CNTN3: variants seen among roughly 807,000 people sequenced by gnomAD.
CNTN3 encodes the protein contactin-3.
In CNTN3, 60 loss-of-function variants were observed where a neutral mutation model predicts 119.1. That is an observed-to-expected ratio of 0.50 (90% CI 0.41 to 0.62). The LOEUF is 0.62. Among genes scored for constraint, CNTN3 ranks in the 20% least tolerant of loss-of-function variants. The pLI is 0.00. For missense variants in CNTN3, 1,101 were observed against 1,242.4 expected (o/e 0.89, Z 1.71); for synonymous variants, 450 against 438.7 (o/e 1.03, Z -0.32).
At chr3:74,454,492 G>A (rs1208055553) in intron 4 of CNTN3, among the ~76,000 whole-genome samples, 3 of 151,972 alleles carry the variant, frequency 2.0e-5, no homozygotes, top group Non-Finnish European at 4.4e-5. Flanking sequence ...CTTTTAATTG[G>A]AGAATTTAGT....
intron 4 of CNTN3, among the ~76,000 whole-genome samples, chr3:74,478,267 A>G (rs1702695693): frequency 6.6e-6 from 1 of 152,064 alleles, no homozygotes; most frequent in African/African-American, 2.4e-5. Context: ...CATCTGGAAG[A>G]GGAAATGCAA....
chr3:74,407,409 C>T lies in CNTN3; in HGVS notation c.454+17436G>A, dbSNP rs376582016. ...TCAGCCTCTGAAGTAGCTGGGATTA[C>T]AGGCATGTGCCACCACGCCTGGCTA... On this transcript the variant is annotated intron_variant, in intron 5 of 22. Coordinates refer to ENST00000263665, the MANE Select transcript of CNTN3 (RefSeq NM_020872.3). 1.5e-4 allele frequency among the ~76,000 whole-genome samples: 23 copies of T among 150,250 alleles called. No individual in the cohort carries two copies. The East Asian group carries it at 4.2e-3, about 27-fold the overall frequency.
At chr3:74,470,105 G>A (rs1020282305) in intron 4 of CNTN3, among the ~76,000 whole-genome samples, 23 of 152,030 alleles carry the variant, frequency 1.5e-4, no homozygotes, top group Middle Eastern at 3.2e-3. Context: ...GCATGATTCC[G>A]TGTATATAAA....
intron 1 of CNTN3, among the ~76,000 whole-genome samples, chr3:74,601,775 T>A (rs1704914858): frequency 6.6e-6 from 1 of 152,104 alleles, no homozygotes; most frequent in Non-Finnish European, 1.5e-5. Context: ...GCCAACAGTA[T>A]GAGGCAGAAG....
intron 5 of CNTN3, among the ~76,000 whole-genome samples, chr3:74,390,281 T>C (rs1704864157): frequency 6.6e-6 from 1 of 152,182 alleles, no homozygotes; most frequent in African/African-American, 2.4e-5. Context: ...ATGTGGGCTT[T>C]TGTTCAAGGG....
chr3:74,361,919 C>T lies in CNTN3; in HGVS notation c.1335G>A (p.Lys445=), dbSNP rs1704081851. Residue 445 remains lysine (K), a synonymous_variant, in exon 11 of 23, where the codon AAG becomes AAA. Coordinates refer to ENST00000263665, the MANE Select transcript of CNTN3 (RefSeq NM_020872.3). ...CATGCTCCTGCACGCTCACATCCCC[C>T]TTCTTCCAGGAAGAGAGTGCCCTTG... is the stretch of plus-strand genomic sequence containing the variant. The part of the protein sequence containing the change: ...ASPRALSSWK[K]GDVSVQEHER... 1.9e-6 allele frequency: 3 copies of T among 1,613,506 alleles called. No homozygotes were observed. Among genetic ancestry groups the T allele is most frequent in the Non-Finnish European group, 2.5e-6 (3 of 1,179,620 alleles).
intron 1 of CNTN3, among the ~76,000 whole-genome samples, chr3:74,587,859 C>A (rs535364316): frequency 1.3e-5 from 2 of 152,316 alleles, no homozygotes; most frequent in African/African-American, 4.8e-5. Flanking sequence ...GAGAGGGCAT[C>A]CCTGTCTTGT....
intron 4 of CNTN3, among the ~76,000 whole-genome samples, chr3:74,473,126 A>C (rs1702595074): frequency 6.6e-6 from 1 of 151,510 alleles, no homozygotes; most frequent in Admixed American, 6.6e-5. Flanking sequence ...TACTGATAGG[A>C]GCAATGTGGT....
intron 1 of CNTN3, among the ~76,000 whole-genome samples, chr3:74,572,107 C>A (rs1282753953): frequency 6.6e-6 from 1 of 152,106 alleles, no homozygotes; most frequent in African/African-American, 2.4e-5. Context: ...ATCAAATTAG[C>A]AAACATTTAA....
Position 74,413,035 on chromosome 3 carries a change from G to A in CNTN3, c.454+11810C>T, listed in dbSNP as rs77500402. The stretch of plus-strand genomic sequence containing the variant: ...ATTATTATTTGCTGCTCCTCTCTGT[G>A]GCAGGAAAGTTCTGGCCCATTTGGT... On this transcript the variant is annotated intron_variant, in intron 5 of 22. Coordinates refer to ENST00000263665, the MANE Select transcript of CNTN3 (RefSeq NM_020872.3). Among the ~76,000 whole-genome samples the A allele has an allele frequency of 1.3e-3, 192 of 152,230 alleles. 1 individual carries two copies. Among genetic ancestry groups the A allele is most frequent in the African/African-American group, 3.0e-3 (125 of 41,542 alleles).
chr3:74,517,925 G>A (rs1356094343), intron 2 of CNTN3, among the ~76,000 whole-genome samples: 2 of 151,826 alleles, frequency 1.3e-5, no homozygotes, highest in East Asian at 1.9e-4. Flanking sequence ...TTCCTACTCA[G>A]GGGTATTTAA....
chr3:74,584,191 A>G (rs1189696276), intron 1 of CNTN3, among the ~76,000 whole-genome samples: 1 of 152,174 alleles, frequency 6.6e-6, no homozygotes, highest in Non-Finnish European at 1.5e-5. Flanking sequence ...CTACAACACA[A>G]TGAATTTTGC....
chr3:74,436,149 G>T lies in CNTN3; in HGVS notation c.359-11209C>A, dbSNP rs1165422435. Reference sequence around the variant, plus strand: ...AAGCGAGCGTACTCTGTCACTTAGAGTATTTCTGATTCTAACTCTTTGCTT... The same window carrying T: ...AAGCGAGCGTACTCTGTCACTTAGATTATTTCTGATTCTAACTCTTTGCTT... On this transcript the variant is annotated intron_variant, in intron 4 of 22. Coordinates refer to ENST00000263665, the MANE Select transcript of CNTN3 (RefSeq NM_020872.3). Among the ~76,000 whole-genome samples the T allele has an allele frequency of 2.6e-5, 4 of 152,220 alleles. 1 individual carries two copies. Among genetic ancestry groups the T allele is most frequent in the Admixed American group, 2.6e-4 (4 of 15,284 alleles).
chr3:74,453,779 T>C (rs1313327514), intron 4 of CNTN3, among the ~76,000 whole-genome samples: 16 of 151,812 alleles, frequency 1.1e-4, no homozygotes, highest in African/African-American at 3.9e-4. Flanking sequence ...ATGTACCCAG[T>C]AGTCATTCAG....
chr3:74,470,454 T>C (rs1702539244), intron 4 of CNTN3, among the ~76,000 whole-genome samples: 1 of 152,104 alleles, frequency 6.6e-6, no homozygotes, highest in African/African-American at 2.4e-5. Flanking sequence ...AGTGCCTGTG[T>C]AGGAATTATA....
chr3:74,406,763 T>C (rs927109257), intron 5 of CNTN3, among the ~76,000 whole-genome samples: 3 of 91,570 alleles, frequency 3.3e-5, no homozygotes, highest in Non-Finnish European at 6.2e-5. Context: ...TATGCACATA[T>C]ATGCACACAC....
intron 4 of CNTN3, 38 bp downstream of exon 4, chr3:74,486,418 T>C: frequency 6.5e-7 from 1 of 1,537,926 alleles, no homozygotes; most frequent in Non-Finnish European, 8.7e-7. Context: ...ACATATTTTC[T>C]AATGTTGGAT....
Position 74,424,906 on chromosome 3 carries a change from T to C in CNTN3, c.393A>G (p.Thr131=), listed in dbSNP as rs202217926. ...LENFKTKMRS[T]VSVREGQGVV... is the part of the protein sequence containing the mutation. ...CTCCCTGGCCTTCACGCACAGACACTGTACTCCTCATTTTGGTTTTAAAAT... is the reference window on the plus strand; with the variant it reads ...CTCCCTGGCCTTCACGCACAGACACCGTACTCCTCATTTTGGTTTTAAAAT... Residue 131 remains threonine, a synonymous_variant, in exon 5 of 23, where the codon ACA becomes ACG. Coordinates refer to ENST00000263665, the MANE Select transcript of CNTN3 (RefSeq NM_020872.3). 2.8e-5 allele frequency: 45 copies of C among 1,611,690 alleles called. No individual in the cohort carries two copies. In the East Asian group the frequency reaches 5.6e-4, roughly 20 times the overall value.
chr3:74,349,048 T>C (rs1249433272), intron 11 of CNTN3, among the ~76,000 whole-genome samples: 3 of 151,894 alleles, frequency 2.0e-5, no homozygotes, highest in African/African-American at 4.8e-5. Flanking sequence ...ATCATGTCAT[T>C]GTACTCCAGT....
Sources: allele counts gnomAD v4.1 joint callset (sites outside exome capture counted in the v4.1 genomes callset), GRCh38; gene constraint gnomAD v4.1.1; transcripts MANE v1.5; gene names NCBI Gene and HGNC (gene_info 2026-07-23, HGNC 2026-07-21).